The following YEATS2 variants were observed in gnomAD, a reference collection of about 807,000 sequenced individuals.
The protein encoded by YEATS2 is YEATS domain containing 2, also known as YEATS domain-containing protein 2.
A neutral mutation model predicts 163.2 loss-of-function variants in YEATS2; 77 were observed. The observed-to-expected ratio is 0.47, with a 90% CI of 0.39 to 0.57. The LOEUF is 0.57. Ranked by LOEUF, YEATS2 falls within the 20% of genes least tolerant of loss-of-function variation. The pLI is 0.00. For synonymous variants in YEATS2, 631 were observed against 645.1 expected, an observed-to-expected ratio of 0.98 and a Z score of 0.33; for missense variants, 1,549 against 1,729.8, an observed-to-expected ratio of 0.90 and a Z score of 1.85.
In YEATS2 at chr3:183,724,472, C is replaced by T. The variant is rs757089687; in HGVS notation, c.591C>T (p.Leu197=). 3 of 1,613,788 alleles carry T rather than the reference C, an allele frequency of 1.9e-6. No homozygotes were observed. The highest frequency in any genetic ancestry group is 2.5e-6 in the Non-Finnish European group (3 of 1,179,936). ...AAACAGAACAGCGGAATGCTGATCTCACAGATGAGACTTCACGACTTTTTG... is the reference window on the plus strand; with the variant it reads ...AAACAGAACAGCGGAATGCTGATCTTACAGATGAGACTTCACGACTTTTTG... ...SHKTEQRNAD[L]TDETSRLFVK... is the part of the protein sequence containing the mutation. The change falls in exon 6 of 31, where the codon CTC becomes CTT. Residue 197 remains leucine, a synonymous_variant. Coordinates refer to ENST00000305135, the MANE Select transcript of YEATS2 (RefSeq NM_018023.5).
chr3:183,723,940 A>G (rs1429587320), intron 5 of YEATS2, among the ~76,000 whole-genome samples: 1 of 152,202 alleles, frequency 6.6e-6, no homozygotes, highest in Non-Finnish European at 1.5e-5. Context: ...CATAATGGTC[A>G]TAGAAACTTA....
chr3:183,773,126 A>T (rs76329441), intron 16 of YEATS2, among the ~76,000 whole-genome samples: 1 of 152,290 alleles, frequency 6.6e-6, no homozygotes, highest in Non-Finnish European at 1.5e-5. Context: ...ATATATGGAT[A>T]TTTTTTATCT....
chr3:183,778,111 C>CAAAAAAAAAA (rs569250141), intron 19 of YEATS2, among the ~76,000 whole-genome samples: 46 of 53,734 alleles, frequency 8.6e-4, no homozygotes, highest in Middle Eastern at 0.01. Flanking sequence ...GATTCTGTCT[C>CAAAAAAAAAA]AAAAAAAAAA....
rs1306178486 is a variant in YEATS2 at position 183,697,840 on chromosome 3, G to GGCTCCACCGCGCCGTGTGC, written c.-172_-154dup. 46 of 150,582 alleles carry GGCTCCACCGCGCCGTGTGC rather than the reference G, an allele frequency of 3.1e-4. No individual in the cohort carries two copies. The highest frequency in any genetic ancestry group is 9.0e-4 in the African/African-American group (37 of 41,178). 9.3% of individuals were successfully genotyped at this position (150,582 alleles called of 1,614,324 possible). A position where few individuals can be genotyped will look rare whatever the true frequency, so the allele number is the denominator to read the frequency against. ...CGTGCGGGGCGGAACGCGCCGGGCG[G>GGCTCCACCGCGCCGTGTGC]GCTCCACCGCGCCGTGTGCTTCCGC... is the stretch of plus-strand genomic sequence containing the variant. On this transcript the variant is annotated 5_prime_UTR_variant, in exon 1 of 31. Coordinates refer to ENST00000305135, the MANE Select transcript of YEATS2 (RefSeq NM_018023.5).
At chr3:183,767,330 A>G (rs1722004868) in intron 15 of YEATS2, among the ~76,000 whole-genome samples, 1 of 151,926 alleles carries the variant, frequency 6.6e-6, no homozygotes, top group African/African-American at 2.4e-5. Context: ...GGCTCAAGCT[A>G]TACTCCTACT....
Position 183,804,177 on chromosome 3 carries a change from A to G in YEATS2, c.3773A>G (p.Asp1258Gly). The G allele has an allele frequency of 1.2e-6, 2 of 1,614,146 alleles. No individual in the cohort carries two copies. Among genetic ancestry groups the G allele is most frequent in the Non-Finnish European group, 8.5e-7 (1 of 1,180,012 alleles). The change falls in exon 27 of 31, where the codon GAC (aspartate) becomes GGC (glycine). Residue 1258 changes from aspartate to glycine, a missense_variant. By Grantham distance (94) the Asp-to-Gly change is moderately conservative. Transcript: ENST00000305135. ...DSIEDVLTQI[D>G]SEPECPSSFS... ...ATCGAGGACGTGCTGACCCAGATCG[A>G]CAGCGAGCCCGGTAAGCCTTCAGTG...
chr3:183,713,398 A>G, intron 1 of YEATS2, among the ~76,000 whole-genome samples: 1 of 152,090 alleles, frequency 6.6e-6, no homozygotes, highest in East Asian at 1.9e-4. Flanking sequence ...CCTTGTCTAT[A>G]CAGAAATTAC....
intron 8 of YEATS2, among the ~76,000 whole-genome samples, chr3:183,737,347 G>C (rs1718447074): frequency 6.6e-6 from 1 of 152,162 alleles, no homozygotes; most frequent in Non-Finnish European, 1.5e-5. Flanking sequence ...AAGTGGCTAA[G>C]AATAGTGGGG....
intron 30 of YEATS2, chr3:183,809,961 G>A (rs1377073641): frequency 6.5e-5 from 10 of 153,670 alleles, no homozygotes; most frequent in Admixed American, 5.8e-4. Context: ...CGGTCCTGCT[G>A]CCCACTGTCC....
chr3:183,760,642 T>A (rs183318707), intron 13 of YEATS2, among the ~76,000 whole-genome samples: 10 of 152,328 alleles, frequency 6.6e-5, no homozygotes, highest in Admixed American at 1.3e-4. Context: ...AAGTTTTGAA[T>A]GTTGACTTTC....
rs769446494 is a variant in YEATS2 at position 183,721,988 on chromosome 3, C to A, written c.389C>A (p.Ala130Glu). The part of the protein sequence containing the change: ...SRSSSPANQR[A>E]ETPSANHSES... ...TCATCATCTCCTGCCAATCAGAGAG[C>A]AGAAACACCATCAGCCAATCATTCA... Residue 130 changes from alanine (A) to glutamate (E), a missense_variant, in exon 5 of 31, where the codon GCA (alanine) becomes GAA (glutamate). Ala to Glu is a moderately radical substitution (Grantham distance 107, BLOSUM62 -1). Coordinates refer to ENST00000305135, the MANE Select transcript of YEATS2 (RefSeq NM_018023.5). The A allele has an allele frequency of 1.2e-6, 2 of 1,614,034 alleles. No homozygotes were observed. Among genetic ancestry groups the A allele is most frequent in the Middle Eastern group, 1.6e-4 (1 of 6,084 alleles).
chr3:183,789,948 G>A (rs887198007), intron 20 of YEATS2, among the ~76,000 whole-genome samples: 2 of 152,048 alleles, frequency 1.3e-5, no homozygotes, highest in Non-Finnish European at 2.9e-5. Context: ...TCTCTCAATC[G>A]TCTTGGAAGC....
chr3:183,717,636 A>C lies in YEATS2; in HGVS notation c.101-15A>C, dbSNP rs571345502. ...ATTAATTAGGCCTTGGATGTATTTTATGTTCTTTGTACAGCTCGAGATGCT... is the reference window on the plus strand; with the variant it reads ...ATTAATTAGGCCTTGGATGTATTTTCTGTTCTTTGTACAGCTCGAGATGCT... On this transcript the variant is annotated splice_polypyrimidine_tract_variant and intron_variant, in intron 2 of 30. Coordinates refer to ENST00000305135, the MANE Select transcript of YEATS2 (RefSeq NM_018023.5). The C allele has an allele frequency of 6.5e-7, 1 of 1,538,110 alleles. No homozygotes were observed. Among genetic ancestry groups the C allele is most frequent in the African/African-American group, 1.4e-5 (1 of 70,382 alleles).
At chr3:183,728,323 A>G (rs535165581) in intron 6 of YEATS2, among the ~76,000 whole-genome samples, 40 of 152,236 alleles carry the variant, frequency 2.6e-4, no homozygotes, top group Non-Finnish European at 2.4e-4. Context: ...CTTCTATCCA[A>G]TTGTTACCAC....
chr3:183,760,994 C>T (rs1203723282), intron 13 of YEATS2, among the ~76,000 whole-genome samples: 1 of 152,170 alleles, frequency 6.6e-6, no homozygotes, highest in East Asian at 1.9e-4. Context: ...TGAGTAGATT[C>T]TTGCCAAGTT....
chr3:183,759,692 C>G (rs12639043), intron 13 of YEATS2, among the ~76,000 whole-genome samples: 1 of 152,104 alleles, frequency 6.6e-6, no homozygotes, highest in Admixed American at 6.6e-5. Flanking sequence ...AACGATTTTT[C>G]GACTTTACCG....
At position 183,783,729 on chromosome 3, in the gene YEATS2, C is replaced by A. The variant is rs530100311; in HGVS notation, c.2737-2396C>A. Among the ~76,000 whole-genome samples the A allele has an allele frequency of 3.3e-5, 5 of 152,278 alleles. No individual in the cohort carries two copies. The East Asian group carries it at 5.8e-4, about 18-fold the overall frequency. On this transcript the variant is annotated intron_variant, in intron 19 of 30. Coordinates refer to ENST00000305135, the MANE Select transcript of YEATS2 (RefSeq NM_018023.5). ...TGTGTTGCTTCAAAAGAAATGATTT[C>A]TTACCTTTTCATGGCTGTGTGGTAT...
chr3:183,795,648 C>T (rs540010824), intron 21 of YEATS2, among the ~76,000 whole-genome samples: 20 of 151,676 alleles, frequency 1.3e-4, no homozygotes, highest in African/African-American at 3.9e-4. Flanking sequence ...TAAAAAGAAC[C>T]GACAGGGATT....
chr3:183,768,282 G>A (rs1481476518), intron 15 of YEATS2, among the ~76,000 whole-genome samples: 1 of 152,202 alleles, frequency 6.6e-6, no homozygotes, highest in Non-Finnish European at 1.5e-5. Flanking sequence ...CAAGAGGAAG[G>A]GAGCAGGGGG....
Sources: gnomAD v4.1 joint callset for allele counts (sites outside exome capture counted in the v4.1 genomes callset) on GRCh38, gnomAD v4.1.1 for gene constraint, MANE v1.5 for transcripts, NCBI Gene and HGNC (gene_info 2026-07-23, HGNC 2026-07-21) for gene names.